Variants in HAUS5 observed in about 807,000 individuals in gnomAD.
HAUS5 encodes HAUS augmin like complex subunit 5.
In HAUS5, 67 loss-of-function variants were observed where a neutral mutation model predicts 94.1. That is an observed-to-expected ratio of 0.71 (90% confidence interval 0.58 to 0.87). HAUS5 has a LOEUF of 0.87. Among genes scored for constraint, HAUS5 ranks in the 40% least tolerant of loss-of-function variants. The pLI is 0.00. For synonymous variants in HAUS5, 339 were observed against 355.4 expected (o/e 0.95, Z 0.52); for missense variants, 739 against 825.6 (o/e 0.90, Z 1.29).
rs1224308694 is a variant in HAUS5 at position 35,618,972 on chromosome 19, G to A, written c.1102G>A (p.Ala368Thr). ...CGATCAGAGCCAGGAGCTGCAGGATGCAGCTGGGCATCGGCAGCTCCTGCT... is the reference window on the plus strand; with the variant it reads ...CGATCAGAGCCAGGAGCTGCAGGATACAGCTGGGCATCGGCAGCTCCTGCT... ...LHDQSQELQD[A>T]AGHRQLLLRE... The change falls in exon 13 of 19, where the codon GCA becomes ACA. Residue 368 changes from alanine to threonine, a missense_variant. Physicochemically the swap from Ala to Thr is moderately conservative, Grantham distance 58. Transcript: ENST00000203166. The A allele has an allele frequency of 6.2e-7, 1 of 1,613,370 alleles. No individual in the cohort carries two copies. The highest frequency in any genetic ancestry group is 2.2e-5 in the East Asian group (1 of 44,880).
Position 35,624,055 on chromosome 19 carries a change from A to G in HAUS5, c.*1062A>G, listed in dbSNP as rs1779983367. On this transcript the variant is annotated 3_prime_UTR_variant, in exon 19 of 19. Coordinates refer to ENST00000203166, the MANE Select transcript of HAUS5 (RefSeq NM_015302.2). ...CATGTGTCATTCCTACAGTAGCTTAATAGAAAGGCTTGTGACACATTGTCA... is the reference window on the plus strand; with the variant it reads ...CATGTGTCATTCCTACAGTAGCTTAGTAGAAAGGCTTGTGACACATTGTCA... 6.6e-6 allele frequency: 1 copy of G among 151,328 alleles called. No homozygotes were observed. The highest frequency in any genetic ancestry group is 1.5e-5 in the Non-Finnish European group (1 of 67,946). The allele number at this position is 151,328 out of a possible 1,614,324, so 9.4% of individuals were successfully genotyped here.
chr19:35,615,898 CAA>C (rs1259049289), intron 6 of HAUS5, among the ~76,000 whole-genome samples: 1 of 152,152 alleles, frequency 6.6e-6, no homozygotes, highest in African/African-American at 2.4e-5. Flanking sequence ...AATGTCAGCT[CAA>C]GTTTCTCAGG....
Position 35,617,221 on chromosome 19 carries a change from G to A in HAUS5, c.555+28G>A, listed in dbSNP as rs752609125. 7.4e-6 allele frequency: 12 copies of A among 1,610,750 alleles called. No individual in the cohort carries two copies. The East Asian group carries it at 1.8e-4, about 24-fold the overall frequency. ...AAGAGTCCTGGTCATGGGAGAAGGG[G>A]CAGGGAGCCTGGAGTCAGGCAGATG... On this transcript the variant is annotated intron_variant, in intron 7 of 18. Coordinates refer to ENST00000203166, the MANE Select transcript of HAUS5 (RefSeq NM_015302.2).
chr19:35,613,845 C>G lies in HAUS5; in HGVS notation c.162-23C>G, dbSNP rs757044321. 3 of 1,613,992 alleles carry G rather than the reference C, an allele frequency of 1.9e-6. No individual in the cohort carries two copies. The African/African-American group carries it at 4.0e-5, about 22-fold the overall frequency. ...GCACAGGTGAGGCCCATAGTAACTC[C>G]TCTTTCTGCCTCTGCACTGTAGGAC... On this transcript the variant is annotated intron_variant, in intron 2 of 18. Coordinates refer to ENST00000203166, the MANE Select transcript of HAUS5 (RefSeq NM_015302.2).
At chr19:35,621,636 C>A (rs569566066) in intron 17 of HAUS5, among the ~76,000 whole-genome samples, 1 of 152,174 alleles carries the variant, frequency 6.6e-6, no homozygotes, top group South Asian at 2.1e-4. Context: ...ATTATCTCAC[C>A]CTCCTCATCC....
intron 1 of HAUS5, among the ~76,000 whole-genome samples, chr19:35,613,362 G>A (rs192675664): frequency 6.6e-6 from 1 of 151,984 alleles, no homozygotes. Flanking sequence ...CCCACCACCC[G>A]CCTTCCCAGG....
chr19:35,614,190 A>C (rs188665510), intron 4 of HAUS5, 131 bp downstream of exon 4: 4 of 810,318 alleles, frequency 4.9e-6, no homozygotes, highest in East Asian at 5.2e-5. Flanking sequence ...CTCCATCCTC[A>C]TAGGGCTTAA....
rs1389817937 is a variant in HAUS5 at position 35,617,860 on chromosome 19, C to T, written c.644C>T (p.Pro215Leu). ...CCGCTTACCCAACCCCACAGAACCC[C>T]TCATGATGACCACTTTGGCACTTCG... is the stretch of plus-strand genomic sequence containing the variant. Reference protein sequence around the residue: ...PQAKRGSLPTPHDDHFGTSYQ... With the variant: ...PQAKRGSLPTLHDDHFGTSYQ... Residue 215 changes from proline to leucine, a missense_variant, in exon 9 of 19, where the codon CCT becomes CTT. By Grantham distance (98) the Pro-to-Leu change is moderately conservative. Transcript: ENST00000203166. The T allele has an allele frequency of 1.2e-6, 2 of 1,613,926 alleles. No homozygotes were observed. The highest frequency in any genetic ancestry group is 4.5e-5 in the East Asian group (2 of 44,898).
At chr19:35,613,547 T>A in intron 1 of HAUS5, 183 bp from the exon 2 acceptor site, 2 of 589,452 alleles carry the variant, frequency 3.4e-6, no homozygotes. Context: ...ATCGTACCAC[T>A]GCGACAGAGC....
intron 13 of HAUS5, 139 bp downstream of exon 13, chr19:35,619,188 A>G: frequency 1.1e-6 from 1 of 925,368 alleles, no homozygotes; most frequent in South Asian, 1.8e-5. Flanking sequence ...GGAGGATCTG[A>G]GCCCAGGAGT....
intron 1 of HAUS5, 154 bp from the exon 2 acceptor site, chr19:35,613,570 TAAAAAA>T: frequency 1.6e-5 from 8 of 499,148 alleles, no homozygotes; most frequent in East Asian, 3.4e-5. Flanking sequence ...GACTGTCTCT[TAAAAAA>T]AAAAAAAAAA....
chr19:35,618,448 A>G lies in HAUS5; in HGVS notation c.868A>G (p.Met290Val), dbSNP rs201677245. 6.8e-5 allele frequency: 102 copies of G among 1,492,966 alleles called. No homozygotes were observed. The highest frequency in any genetic ancestry group is 8.6e-5 in the Non-Finnish European group (95 of 1,105,964). 92.5% of individuals were successfully genotyped at this position (1,492,966 alleles called of 1,614,324 possible). Residue 290 changes from methionine to valine, a missense_variant, in exon 11 of 19, where the codon ATG becomes GTG. Transcript: ENST00000203166. ...AGACTCCAGCCAGACCCTGCCGTCC[A>G]TGGTTCATCTCATCCAGGTGACCCC... ...QSDSSQTLPS[M>V]VHLIQEGWRT... is the part of the protein sequence containing the mutation.
At chr19:35,618,751 T>G (rs992300771) in intron 12 of HAUS5, 52 bp downstream of exon 12, 2 of 1,540,908 alleles carry the variant, frequency 1.3e-6, no homozygotes, top group South Asian at 2.5e-5. Context: ...TCTGAGTGTC[T>G]CAGCCCATTG....
intron 18 of HAUS5, 70 bp downstream of exon 18, chr19:35,622,803 G>T: frequency 1.9e-6 from 3 of 1,603,434 alleles, no homozygotes; most frequent in African/African-American, 1.3e-5. Flanking sequence ...TGATGAGAAG[G>T]AGCAGGCCAT....
At chr19:35,618,236 G>A in intron 10 of HAUS5, 41 bp downstream of exon 10, 1 of 1,596,702 alleles carries the variant, frequency 6.3e-7, no homozygotes. Context: ...AAGGCCATGT[G>A]AGTGGGTGAG....
rs749603972 is a variant in HAUS5, at chr19:35,615,022, C to T, written c.220-20C>T. The T allele has an allele frequency of 2.4e-5, 37 of 1,555,286 alleles. No individual in the cohort carries two copies. The highest frequency in any genetic ancestry group is 3.2e-5 in the Non-Finnish European group (37 of 1,145,210). Reference sequence around the variant, plus strand: ...CTGAGCCCCGATCAGACCATCTGACCCTGAATCTGATCCTCCCAGGTCCGT... The same window carrying T: ...CTGAGCCCCGATCAGACCATCTGACTCTGAATCTGATCCTCCCAGGTCCGT... On this transcript the variant is annotated intron_variant, in intron 4 of 18. Transcript: ENST00000203166.
chr19:35,617,268 T>C lies in HAUS5; in HGVS notation c.556-19T>C. 1 of 1,610,782 alleles carries C rather than the reference T, an allele frequency of 6.2e-7. No homozygotes were observed. The highest frequency in any genetic ancestry group is 8.5e-7 in the Non-Finnish European group (1 of 1,177,006). On this transcript the variant is annotated intron_variant, in intron 7 of 18. Coordinates refer to ENST00000203166, the MANE Select transcript of HAUS5 (RefSeq NM_015302.2). ...GATGCTAGGGTCCCCCTCAGGTCCC[T>C]TCCTCCTCTTCTCCCTAGCGTGATG...
At chr19:35,622,544 G>A in intron 17 of HAUS5, 57 bp from the exon 18 acceptor site, 2 of 1,584,550 alleles carry the variant, frequency 1.3e-6, no homozygotes, top group Non-Finnish European at 1.7e-6. Context: ...ACTCATTGCT[G>A]TAAGGTACCA....
Position 35,613,886 on chromosome 19 carries a change from G to A in HAUS5, c.180G>A (p.Arg60=). Reference sequence around the variant, plus strand: ...ACTGTAGGACTGTCAAGAAGATCCGGGGAAACCTACTCTGGTAACTGCTTC... The same window carrying A: ...ACTGTAGGACTGTCAAGAAGATCCGAGGAAACCTACTCTGGTAACTGCTTC... ...VHSQRTVKKI[R]GNLLWYGHQD... is the part of the protein sequence containing the mutation. Residue 60 remains arginine, a synonymous_variant, in exon 3 of 19, where the codon CGG becomes CGA. Coordinates refer to ENST00000203166, the MANE Select transcript of HAUS5 (RefSeq NM_015302.2). 1 of 1,614,078 alleles carries A rather than the reference G, an allele frequency of 6.2e-7. No individual in the cohort carries two copies. The highest frequency in any genetic ancestry group is 1.1e-5 in the South Asian group (1 of 91,088).
Sources: allele counts gnomAD v4.1 joint callset (sites outside exome capture counted in the v4.1 genomes callset), GRCh38; gene constraint gnomAD v4.1.1; transcripts MANE v1.5; gene names NCBI Gene and HGNC (gene_info 2026-07-23, HGNC 2026-07-21).